The following GPR75 variants were observed in gnomAD, a reference collection of about 807,000 sequenced individuals.
GPR75 encodes the protein G protein-coupled receptor 75.
GPR75 carries 27 observed loss-of-function variants against 26.0 expected under a neutral mutation model. That is an observed-to-expected ratio of 1.04 (90% confidence interval 0.77 to 1.43). The LOEUF (loss-of-function observed/expected upper bound fraction) is 1.43. Among genes scored for constraint, GPR75 ranks in the 40% most tolerant of loss-of-function variants. The pLI, the probability that GPR75 is intolerant of heterozygous loss-of-function variation, is 0.00. For synonymous variants in GPR75, 285 were observed against 256.3 expected (o/e 1.11, Z -1.07); for missense variants, 699 against 662.3 (o/e 1.06, Z -0.61).
chr2:53,859,155 C>T (rs1217353550), intron 1 of GPR75, among the ~76,000 whole-genome samples: 1 of 151,146 alleles, frequency 6.6e-6, no homozygotes, highest in Non-Finnish European at 1.5e-5. Context: ...CTTCCAACCC[C>T]ATTCCCCGCG....
chr2:53,859,900 T>C lies in GPR75; in HGVS notation c.-182A>G, dbSNP rs1444324457. Reference sequence around the variant, plus strand: ...CCCCAGCTCCGCCTGCCGCTCTGGATGATGCAGGACTAGAGGCATCATCGC... The same window carrying C: ...CCCCAGCTCCGCCTGCCGCTCTGGACGATGCAGGACTAGAGGCATCATCGC... On this transcript the variant is annotated 5_prime_UTR_variant, in exon 1 of 2. Coordinates refer to ENST00000394705, the MANE Select transcript of GPR75 (RefSeq NM_006794.4). The C allele has an allele frequency of 2.0e-6, 3 of 1,531,620 alleles. No homozygotes were observed. Among genetic ancestry groups the C allele is most frequent in the Non-Finnish European group, 2.6e-6 (3 of 1,144,256 alleles). 94.9% of individuals were successfully genotyped at this position (1,531,620 alleles called of 1,614,324 possible). A position where few individuals can be genotyped will look rare whatever the true frequency, so the allele number is the denominator to read the frequency against.
Position 53,854,612 on chromosome 2 carries a change from G to C in GPR75, c.145C>G (p.Leu49Val). 1 of 1,614,128 alleles carries C rather than the reference G, an allele frequency of 6.2e-7. No individual in the cohort carries two copies. The highest frequency in any genetic ancestry group is 8.5e-7 in the Non-Finnish European group (1 of 1,180,016). ...TATLVTCTFL[L>V]AVIFCLGSYG... ...GAACCCAGGCAGAAGATGACCGCCA[G>C]TAGAAAAGTACAGGTCACCAAGGTG... is the stretch of plus-strand genomic sequence containing the variant. The change falls in exon 2 of 2, where the codon CTG (leucine) becomes GTG (valine). Residue 49 changes from leucine to valine, a missense_variant. Coordinates refer to ENST00000394705, the MANE Select transcript of GPR75 (RefSeq NM_006794.4).
At chr2:53,857,828 T>G (rs939283434) in intron 1 of GPR75, among the ~76,000 whole-genome samples, 3 of 152,140 alleles carry the variant, frequency 2.0e-5, no homozygotes, top group Admixed American at 6.5e-5. Flanking sequence ...TCTGCCTGCT[T>G]TGGCCTCCCA....
chr2:53,858,825 C>T (rs1466460548), intron 1 of GPR75, among the ~76,000 whole-genome samples: 1 of 152,096 alleles, frequency 6.6e-6, no homozygotes, highest in Non-Finnish European at 1.5e-5. Context: ...TACTCTTCAT[C>T]TCTGGGACGG....
chr2:53,855,920 G>T (rs1207268991), intron 1 of GPR75, among the ~76,000 whole-genome samples: 1 of 152,112 alleles, frequency 6.6e-6, no homozygotes, highest in African/African-American at 2.4e-5. Context: ...ACGGAAAACT[G>T]GAAGTAACCA....
At chr2:53,857,700 C>T (rs999696072) in intron 1 of GPR75, among the ~76,000 whole-genome samples, 4 of 151,992 alleles carry the variant, frequency 2.6e-5, no homozygotes, top group Admixed American at 2.0e-4. Context: ...GCAACTTTCA[C>T]GTTTTGTACA....
chr2:53,855,450 G>A (rs1423905539), intron 1 of GPR75, among the ~76,000 whole-genome samples: 1 of 152,164 alleles, frequency 6.6e-6, no homozygotes, highest in Non-Finnish European at 1.5e-5. Flanking sequence ...CTCCACCAAA[G>A]AGATGACAAT....
chr2:53,859,959 C>A lies in GPR75; in HGVS notation c.-241G>T. On this transcript the variant is annotated 5_prime_UTR_variant, in exon 1 of 2. Transcript: ENST00000394705. ...CCGCCTCCGCGCATCCCGGGAGCCG[C>A]GGCAAGACGCGGGCGCAGAGGCGCA... is the stretch of plus-strand genomic sequence containing the variant. 1 of 1,474,656 alleles carries A rather than the reference C, an allele frequency of 6.8e-7. No individual in the cohort carries two copies. Among genetic ancestry groups the A allele is most frequent in the Non-Finnish European group, 9.0e-7 (1 of 1,114,596 alleles). 91.3% of individuals were successfully genotyped at this position (1,474,656 alleles called of 1,614,324 possible).
intron 1 of GPR75, among the ~76,000 whole-genome samples, chr2:53,859,606 A>G (rs1558631489): frequency 2.8e-4 from 1 of 3,514 alleles, no homozygotes. Flanking sequence ...CAGCCAGGGT[A>G]GGGGCGGTGG....
At chr2:53,858,151 A>C (rs919993933) in intron 1 of GPR75, among the ~76,000 whole-genome samples, 2 of 151,858 alleles carry the variant, frequency 1.3e-5, no homozygotes, top group African/African-American at 4.8e-5. Flanking sequence ...GCTCTTCCAC[A>C]CTCTTCACCA....
rs746626905 is a variant in GPR75, at chr2:53,853,309, T to C, written c.1448A>G (p.Tyr483Cys). 27 of 1,614,176 alleles carry C rather than the reference T, an allele frequency of 1.7e-5. No homozygotes were observed. The highest frequency in any genetic ancestry group is 2.2e-5 in the Non-Finnish European group (26 of 1,180,028). ...GGAAGGGCTGCTGTTATAGATGCTG[T>C]AGTAAGGTTCAATCCGAGTGTTGAT... Reference protein sequence around the residue: ...TPINTRIEPYYSIYNSSPSQE... With the variant: ...TPINTRIEPYCSIYNSSPSQE... Residue 483 changes from tyrosine (Y) to cysteine (C), a missense_variant, in exon 2 of 2, where the codon TAC (tyrosine) becomes TGC (cysteine). Tyr to Cys is a radical substitution (Grantham distance 194). Coordinates refer to ENST00000394705, the MANE Select transcript of GPR75 (RefSeq NM_006794.4).
chr2:53,853,327 G>T lies in GPR75; in HGVS notation c.1430C>A (p.Thr477Asn). 6.2e-7 allele frequency: 1 copy of T among 1,614,180 alleles called. No individual in the cohort carries two copies. Among genetic ancestry groups the T allele is most frequent in the Non-Finnish European group, 8.5e-7 (1 of 1,180,016 alleles). The change falls in exon 2 of 2, where the codon ACT becomes AAT. Residue 477 changes from threonine to asparagine, a missense_variant. By Grantham distance (65) the Thr-to-Asn change is moderately conservative. Coordinates refer to ENST00000394705, the MANE Select transcript of GPR75 (RefSeq NM_006794.4). ...CGQSSSTPIN[T>N]RIEPYYSIYN... The stretch of plus-strand genomic sequence containing the variant: ...GATGCTGTAGTAAGGTTCAATCCGA[G>T]TGTTGATGGGGGTCGAGCTGCTCTG...
chr2:53,853,373 C>G lies in GPR75; in HGVS notation c.1384G>C (p.Ala462Pro). ...KESMVSPKIS[A>P]GHQHCGQSSS... ...CTCTGACCACAGTGTTGATGTCCAGCAGAGATCTTGGGACTCACCATACTT... is the reference window on the plus strand; with the variant it reads ...CTCTGACCACAGTGTTGATGTCCAGGAGAGATCTTGGGACTCACCATACTT... Residue 462 changes from alanine to proline, a missense_variant, in exon 2 of 2, where the codon GCT becomes CCT. Coordinates refer to ENST00000394705, the MANE Select transcript of GPR75 (RefSeq NM_006794.4). 2.5e-6 allele frequency: 4 copies of G among 1,614,122 alleles called. No homozygotes were observed. The highest frequency in any genetic ancestry group is 3.4e-6 in the Non-Finnish European group (4 of 1,180,004).
chr2:53,859,803 C>G, intron 1 of GPR75, 25 bp downstream of exon 1: 1 of 1,515,226 alleles, frequency 6.6e-7, no homozygotes, highest in Non-Finnish European at 8.8e-7. Flanking sequence ...GGGTTGTCCT[C>G]CTCCAGGGGC....
At position 53,853,452 on chromosome 2, in the gene GPR75, T is replaced by C. The variant is rs890550212; in HGVS notation, c.1305A>G (p.Pro435=). Residue 435 remains proline, a synonymous_variant, in exon 2 of 2, where the codon CCA becomes CCG. Transcript: ENST00000394705. The part of the protein sequence containing the change: ...HETNSAYMLS[P]KPQKKFVDQA... The stretch of plus-strand genomic sequence containing the variant: ...GGTCCACAAATTTCTTCTGTGGCTT[T>C]GGAGATAACATGTAGGCAGAGTTTG... The C allele has an allele frequency of 1.2e-6, 2 of 1,614,158 alleles. No individual in the cohort carries two copies. Among genetic ancestry groups the C allele is most frequent in the South Asian group, 1.1e-5 (1 of 91,076 alleles).
chr2:53,854,003 A>T lies in GPR75; in HGVS notation c.754T>A (p.Phe252Ile). The change falls in exon 2 of 2, where the codon TTC (phenylalanine) becomes ATC (isoleucine). Residue 252 changes from phenylalanine to isoleucine, a missense_variant. By Grantham distance (21) the Phe-to-Ile change is conservative. Coordinates refer to ENST00000394705, the MANE Select transcript of GPR75 (RefSeq NM_006794.4). The stretch of plus-strand genomic sequence containing the variant: ...CCTCCCTGCACAGGGACCCCCATGA[A>T]AGGCTGTGGTCTGGAAGCATCGACT... ...ITVDASRPQP[F>I]MGVPVQGGGD... The T allele has an allele frequency of 6.2e-7, 1 of 1,614,140 alleles. No homozygotes were observed. Among genetic ancestry groups the T allele is most frequent in the Non-Finnish European group, 8.5e-7 (1 of 1,180,012 alleles).
At position 53,853,663 on chromosome 2, in the gene GPR75, A is replaced by G. The variant is rs139789319; in HGVS notation, c.1094T>C (p.Ile365Thr). ...AGGGTTTAATCCTGACTTGAAAAAT[A>G]TAAGAGTAAATCCAAACAATTCAAA... The part of the protein sequence containing the change: ...YQFELFGFTL[I>T]FFKSGLNPFI... Residue 365 changes from isoleucine (I) to threonine (T), a missense_variant, in exon 2 of 2, where the codon ATA becomes ACA. Transcript: ENST00000394705. 350 of 1,613,944 alleles carry G rather than the reference A, an allele frequency of 2.2e-4. No homozygotes were observed. Among genetic ancestry groups the G allele is most frequent in the Non-Finnish European group, 2.8e-4 (329 of 1,179,898 alleles).
In GPR75 at chr2:53,853,991, G is replaced by C; in HGVS notation, c.766C>G (p.Pro256Ala). The C allele has an allele frequency of 6.2e-7, 1 of 1,614,124 alleles. No homozygotes were observed. Among genetic ancestry groups the C allele is most frequent in the Non-Finnish European group, 8.5e-7 (1 of 1,180,034 alleles). Residue 256 changes from proline to alanine, a missense_variant, in exon 2 of 2, where the codon CCT (proline) becomes GCT (alanine). Coordinates refer to ENST00000394705, the MANE Select transcript of GPR75 (RefSeq NM_006794.4). ...ASRPQPFMGV[P>A]VQGGGDPIQC... ...ATGGGATCTCCACCTCCCTGCACAG[G>C]GACCCCCATGAAAGGCTGTGGTCTG... is the stretch of plus-strand genomic sequence containing the variant.
Position 53,853,277 on chromosome 2 carries a change from C to A in GPR75, c.1480G>T (p.Glu494Ter), listed in dbSNP as rs1678136935. The A allele has an allele frequency of 6.2e-7, 1 of 1,614,156 alleles. No homozygotes were observed. Among genetic ancestry groups the A allele is most frequent in the Non-Finnish European group, 8.5e-7 (1 of 1,180,022 alleles). ...SIYNSSPSQE[E>*]SSPCNLQPVN... ...GGCTGTAAGTTACATGGGCTGCTCT[C>A]CTCCTGGGAAGGGCTGCTGTTATAG... The change falls in exon 2 of 2, where the codon GAG (glutamate) becomes TAG (stop). Residue 494 changes from glutamate to a stop codon, truncating the protein, a stop_gained. Coordinates refer to ENST00000394705, the MANE Select transcript of GPR75 (RefSeq NM_006794.4). LOFTEE classifies it low-confidence loss of function (END_TRUNC).
Sources: allele counts gnomAD v4.1 joint callset (sites outside exome capture counted in the v4.1 genomes callset), GRCh38; gene constraint gnomAD v4.1.1; transcripts MANE v1.5; gene names NCBI Gene and HGNC (gene_info 2026-07-23, HGNC 2026-07-21).